SPAST: variants seen among roughly 807,000 people sequenced by gnomAD.
SPAST encodes spastic paraplegia 4 (autosomal dominant; spastin).
A neutral mutation model predicts 76.6 loss-of-function variants in SPAST; 30 were observed. That is an observed-to-expected ratio of 0.39 (90% CI 0.29 to 0.53). The LOEUF (loss-of-function observed/expected upper bound fraction) is 0.53. SPAST is among the 20% of genes least tolerant of loss of function. The pLI is 0.68. For missense variants in SPAST, 717 were observed against 770.5 expected, an observed-to-expected ratio of 0.93 and a Z score of 0.82; for synonymous variants, 305 against 281.0, an observed-to-expected ratio of 1.09 and a Z score of -0.86.
intron 16 of SPAST, among the ~76,000 whole-genome samples, chr2:32,152,772 G>A (rs1680130745): frequency 6.6e-6 from 1 of 151,166 alleles, no homozygotes; most frequent in South Asian, 2.1e-4. Flanking sequence ...TTTTGAGACA[G>A]GGTATCACTC....
intron 4 of SPAST, among the ~76,000 whole-genome samples, chr2:32,106,403 C>T (rs946399650): frequency 2.6e-5 from 4 of 152,172 alleles, no homozygotes; most frequent in African/African-American, 7.2e-5. Flanking sequence ...CAACCCCTTG[C>T]GCTTCCCAGG....
At chr2:32,086,122 A>G (rs972998199) in intron 1 of SPAST, among the ~76,000 whole-genome samples, 1 of 152,052 alleles carries the variant, frequency 6.6e-6, no homozygotes, top group Non-Finnish European at 1.5e-5. Context: ...TTGAAATTTC[A>G]AATAATAATA....
intron 16 of SPAST, among the ~76,000 whole-genome samples, chr2:32,148,407 C>T (rs376693995): frequency 6.8e-4 from 104 of 152,218 alleles, no homozygotes; most frequent in Non-Finnish European, 1.3e-3. Context: ...TGCGGTGGCT[C>T]ACGCCTGTAA....
intron 1 of SPAST, among the ~76,000 whole-genome samples, chr2:32,076,491 G>A (rs1676966455): frequency 6.6e-6 from 1 of 151,930 alleles, no homozygotes; most frequent in Admixed American, 6.6e-5. Context: ...CAAAGTGCTG[G>A]GACTACAGAC....
At chr2:32,087,675 CTTTCTTTTCT>C (rs1231486844) in intron 2 of SPAST, 97 bp downstream of exon 2, 5 of 373,268 alleles carry the variant, frequency 1.3e-5, no homozygotes, top group Admixed American at 1.0e-4. Context: ...ATTTTTCTTT[CTTTCTTTTCT>C]TTTCTTTTCT....
intron 4 of SPAST, among the ~76,000 whole-genome samples, chr2:32,100,687 A>G (rs924496783): frequency 1.3e-5 from 2 of 151,694 alleles, no homozygotes; most frequent in Non-Finnish European, 2.9e-5. Flanking sequence ...TTCAGTTCCC[A>G]TCTGTGAGTG....
Position 32,079,111 on chromosome 2 carries a change from G to A in SPAST, c.416-8381G>A, listed in dbSNP as rs1359952027. 3.3e-5 allele frequency among the ~76,000 whole-genome samples: 5 copies of A among 152,250 alleles called. No homozygotes were observed. In the East Asian group the frequency reaches 7.7e-4, roughly 24 times the overall value. On this transcript the variant is annotated intron_variant, in intron 1 of 16. Coordinates refer to ENST00000315285, the MANE Select transcript of SPAST (RefSeq NM_014946.4). Reference sequence around the variant, plus strand: ...CCACCTCAGCCTCCCGAAGTGTTGAGAGAACAGGTGTGAACCACCATGCTC... The same window carrying A: ...CCACCTCAGCCTCCCGAAGTGTTGAAAGAACAGGTGTGAACCACCATGCTC...
intron 1 of SPAST, among the ~76,000 whole-genome samples, chr2:32,083,777 T>A (rs1238061950): frequency 1.5e-5 from 1 of 65,066 alleles, no homozygotes; most frequent in Non-Finnish European, 3.0e-5. Flanking sequence ...TATATATATA[T>A]TTTTTTTTTT....
At chr2:32,085,806 C>T (rs909438303) in intron 1 of SPAST, among the ~76,000 whole-genome samples, 9 of 151,780 alleles carry the variant, frequency 5.9e-5, no homozygotes, top group South Asian at 2.1e-4. Context: ...TTTGGGAGGC[C>T]GAGGTGGGAG....
chr2:32,075,444 A>T (rs1336378526), intron 1 of SPAST, among the ~76,000 whole-genome samples: 6 of 148,678 alleles, frequency 4.0e-5, no homozygotes, highest in Non-Finnish European at 8.9e-5. Context: ...AAAAAAAAAA[A>T]AATTAAAACA....
chr2:32,069,017 C>G (rs576368836), intron 1 of SPAST, among the ~76,000 whole-genome samples: 42 of 152,146 alleles, frequency 2.8e-4, no homozygotes, highest in Admixed American at 2.7e-3. Flanking sequence ...CGCGACCAGC[C>G]TGGCCAACAT....
intron 1 of SPAST, among the ~76,000 whole-genome samples, chr2:32,065,636 C>G (rs1676479679): frequency 6.6e-6 from 1 of 152,190 alleles, no homozygotes; most frequent in South Asian, 2.1e-4. Context: ...ATGCTGAGAT[C>G]TTGCTTCTCC....
At chr2:32,071,543 A>T (rs1676750935) in intron 1 of SPAST, among the ~76,000 whole-genome samples, 1 of 152,222 alleles carries the variant, frequency 6.6e-6, no homozygotes, top group Admixed American at 6.6e-5. Flanking sequence ...GATACTAAGA[A>T]CATCTGTCCA....
intron 1 of SPAST, among the ~76,000 whole-genome samples, chr2:32,085,679 G>A (rs984401920): frequency 2.0e-5 from 3 of 152,136 alleles, no homozygotes; most frequent in African/African-American, 7.2e-5. Context: ...CAGAAGAATC[G>A]GGGAGGTAGT....
intron 9 of SPAST, chr2:32,129,251 A>ATTTTTT (rs536577396): frequency 7.0e-6 from 1 of 143,852 alleles, no homozygotes; most frequent in Non-Finnish European, 1.5e-5. Flanking sequence ...CCCTGTTTTA[A>ATTTTTT]TTTTTTTTTT....
intron 4 of SPAST, among the ~76,000 whole-genome samples, chr2:32,100,330 T>G (rs1015133706): frequency 2.0e-5 from 3 of 151,490 alleles, no homozygotes; most frequent in African/African-American, 7.3e-5. Flanking sequence ...CTTTTTTTTT[T>G]TTTTTTTAGC....
chr2:32,069,437 T>C (rs1676659278), intron 1 of SPAST, among the ~76,000 whole-genome samples: 1 of 152,038 alleles, frequency 6.6e-6, no homozygotes, highest in African/African-American at 2.4e-5. Flanking sequence ...ATATATATGA[T>C]CAAATAGAAA....
At chr2:32,079,622 A>G (rs1573053980) in intron 1 of SPAST, among the ~76,000 whole-genome samples, 1 of 111,918 alleles carries the variant, frequency 8.9e-6, no homozygotes, top group African/African-American at 3.4e-5. Context: ...GTGCAGTAGC[A>G]CAATCAACTC....
chr2:32,105,279 T>C (rs1252461370), intron 4 of SPAST, among the ~76,000 whole-genome samples: 1 of 152,232 alleles, frequency 6.6e-6, no homozygotes, highest in African/African-American at 2.4e-5. Context: ...CACGTAGTTT[T>C]CGTGCCATGG....
Sources: gnomAD v4.1 joint callset for allele counts (sites outside exome capture counted in the v4.1 genomes callset) on GRCh38, gnomAD v4.1.1 for gene constraint, MANE v1.5 for transcripts, NCBI Gene and HGNC (gene_info 2026-07-23, HGNC 2026-07-21) for gene names.